Variants in GAREM1 observed in about 807,000 individuals in gnomAD.
GAREM1 encodes the protein GRB2 associated regulator of MAPK1 subtype 1.
GAREM1 carries 26 observed loss-of-function variants against 71.3 expected under a neutral mutation model. The observed-to-expected ratio is 0.36, with a 90% CI of 0.27 to 0.51. The LOEUF (loss-of-function observed/expected upper bound fraction) is 0.51. Among genes scored for constraint, GAREM1 ranks in the 20% least tolerant of loss-of-function variants. The probability of loss-of-function intolerance (pLI) is 0.95; values close to 1 mark genes in which losing one functional copy is unlikely to be tolerated. For missense variants in GAREM1, 1,026 were observed against 1,103.1 expected (o/e 0.93, Z 0.99); for synonymous variants, 440 against 433.2 (o/e 1.02, Z -0.20).
rs183946572 is a variant in GAREM1 at position 32,297,533 on chromosome 18, T to G, written c.394-9330A>C. Among the ~76,000 whole-genome samples, 468 of 152,342 alleles carry G rather than the reference T, an allele frequency of 3.1e-3. 1 individual carries two copies. Among genetic ancestry groups the G allele is most frequent in the Non-Finnish European group, 4.0e-3 (272 of 68,028 alleles). On this transcript the variant is annotated intron_variant, in intron 3 of 5. Transcript: ENST00000269209. ...CACACCTCTGTATTTTCACATAGAT[T>G]TCTAAGTTTTCATCTCCTACTGTGT... is the stretch of plus-strand genomic sequence containing the variant.
rs548232016 is a variant in GAREM1 at position 32,467,996 on chromosome 18, C to T, written c.121+2312G>A. Among the ~76,000 whole-genome samples the T allele has an allele frequency of 2.0e-5, 3 of 152,132 alleles. No homozygotes were observed. In the East Asian group the frequency reaches 5.8e-4, roughly 29 times the overall value. The stretch of plus-strand genomic sequence containing the variant: ...ATTAAACTGCTATAACAACACTTTC[C>T]CCAATCAAATTAGAAGAGAATTTTT... On this transcript the variant is annotated intron_variant, in intron 1 of 5. Transcript: ENST00000269209.
chr18:32,270,264 G>A lies in GAREM1; in HGVS notation c.1686C>T (p.Arg562=). ...AGTAGGACAAGGTGGGGCTGGGAGA[G>A]CGAGTCTGTTGCCGCGCTGGCTTGA... The part of the protein sequence containing the change: ...RTVKPARQQT[R]SPSPTLSYYS... The change falls in exon 5 of 6, where the codon CGC becomes CGT. Residue 562 remains arginine, a synonymous_variant. Transcript: ENST00000269209. 6.2e-7 allele frequency: 1 copy of A among 1,614,040 alleles called. No individual in the cohort carries two copies. The highest frequency in any genetic ancestry group is 8.5e-7 in the Non-Finnish European group (1 of 1,179,980).
At chr18:32,277,871 T>G (rs2041562846) in intron 4 of GAREM1, among the ~76,000 whole-genome samples, 1 of 152,220 alleles carries the variant, frequency 6.6e-6, no homozygotes, top group Non-Finnish European at 1.5e-5. Flanking sequence ...CATGTAGATC[T>G]TTGGAGGACA....
intron 1 of GAREM1, among the ~76,000 whole-genome samples, chr18:32,410,300 C>A (rs962424269): frequency 6.6e-5 from 10 of 152,110 alleles, no homozygotes; most frequent in Non-Finnish European, 1.3e-4. Context: ...TCAGAAATAG[C>A]CTGGGATTGG....
At chr18:32,311,669 C>A (rs1368104777) in intron 2 of GAREM1, among the ~76,000 whole-genome samples, 1 of 152,142 alleles carries the variant, frequency 6.6e-6, no homozygotes, top group African/African-American at 2.4e-5. Context: ...AACAGTCTGC[C>A]CAAAGACTCT....
chr18:32,322,506 C>T (rs1381873369), intron 2 of GAREM1, among the ~76,000 whole-genome samples: 1 of 152,200 alleles, frequency 6.6e-6, no homozygotes, highest in Non-Finnish European at 1.5e-5. Context: ...AGTTACAACA[C>T]CTGAAAGAAT....
chr18:32,470,116 C>T lies in GAREM1; in HGVS notation c.121+192G>A, dbSNP rs1356553455. On this transcript the variant is annotated intron_variant, in intron 1 of 5. Transcript: ENST00000269209. This position sits in a 1 kb window ranked among gnomAD's most constrained non-coding sequence, Gnocchi z 4.4. ...ATTATACTGCAAGGACTCTGATTTC[C>T]ACCTCCTTGTCTGCTGCTGGGGGGA... Among the ~76,000 whole-genome samples the T allele has an allele frequency of 6.6e-6, 1 of 151,794 alleles. No individual in the cohort carries two copies. Among genetic ancestry groups the T allele is most frequent in the Non-Finnish European group, 1.5e-5 (1 of 68,034 alleles).
At chr18:32,293,284 C>T (rs1417564602) in intron 3 of GAREM1, among the ~76,000 whole-genome samples, 1 of 152,052 alleles carries the variant, frequency 6.6e-6, no homozygotes. Context: ...AAGGGTAGGG[C>T]TGAAATGGTA....
intron 2 of GAREM1, among the ~76,000 whole-genome samples, chr18:32,392,391 A>G (rs958151217): frequency 3.3e-5 from 5 of 152,198 alleles, no homozygotes; most frequent in African/African-American, 7.2e-5. Flanking sequence ...TCATTTAACT[A>G]AAGTAGTGAG....
intron 2 of GAREM1, among the ~76,000 whole-genome samples, chr18:32,346,465 T>C (rs531257972): frequency 6.6e-6 from 1 of 152,318 alleles, no homozygotes; most frequent in South Asian, 2.1e-4. Context: ...AATCCTCTTA[T>C]AAAGCAATAG....
At chr18:32,310,991 T>G (rs1184317211) in intron 2 of GAREM1, among the ~76,000 whole-genome samples, 3 of 152,212 alleles carry the variant, frequency 2.0e-5, no homozygotes, top group African/African-American at 7.2e-5. Flanking sequence ...CAGAGCTCCA[T>G]GTGGCTCCTT....
At chr18:32,448,754 C>T (rs1052372117) in intron 1 of GAREM1, among the ~76,000 whole-genome samples, 1 of 152,216 alleles carries the variant, frequency 6.6e-6, no homozygotes, top group African/African-American at 2.4e-5. Context: ...ACAGTTCTTA[C>T]TTTGCTGTTA....
At chr18:32,456,869 T>A (rs1413170786) in intron 1 of GAREM1, among the ~76,000 whole-genome samples, 1 of 152,118 alleles carries the variant, frequency 6.6e-6, no homozygotes, top group Non-Finnish European at 1.5e-5. Context: ...TGAATTTCAA[T>A]TATACCAGAT....
rs1174628863 is a variant in GAREM1, at chr18:32,266,090, T to A, written c.*1781A>T. 1 of 152,052 alleles carries A rather than the reference T, an allele frequency of 6.6e-6. No homozygotes were observed. Among genetic ancestry groups the A allele is most frequent in the Admixed American group, 6.6e-5 (1 of 15,254 alleles). The allele number at this position is 152,052 out of a possible 1,614,324, so 9.4% of individuals were successfully genotyped here. On this transcript the variant is annotated 3_prime_UTR_variant, in exon 6 of 6. Coordinates refer to ENST00000269209, the MANE Select transcript of GAREM1 (RefSeq NM_001242409.2). ...CAGGGTACTCTTTTTGCCTATAGTA[T>A]TTACATTTTGGGAGACACGTTAGGA...
chr18:32,286,321 AGTGTGTGTGTGTGTGTGTGTGTGTGTGT>A (rs140225815), intron 4 of GAREM1, among the ~76,000 whole-genome samples: 1 of 143,122 alleles, frequency 7.0e-6, no homozygotes, highest in Non-Finnish European at 1.5e-5. Context: ...CTGGTTCTGG[AGTGTGTGTGTGTGTGTGTGTGTGTGTGT>A]GTGTGTGTGT....
chr18:32,270,897 G>GTTTTTTTTTTTT (rs58914123), intron 4 of GAREM1, among the ~76,000 whole-genome samples: 2 of 92,596 alleles, frequency 2.2e-5, no homozygotes, highest in Non-Finnish European at 3.9e-5. Context: ...GTTCAGGGAT[G>GTTTTTTTTTTTT]TTTTTTTTTT....
chr18:32,392,591 A>G (rs183359129), intron 2 of GAREM1, among the ~76,000 whole-genome samples: 134 of 152,282 alleles, frequency 8.8e-4, no homozygotes, highest in African/African-American at 3.2e-3. Flanking sequence ...CAGAGACATG[A>G]CCCCCTGAAG....
At chr18:32,346,295 T>C (rs2047696169) in intron 2 of GAREM1, among the ~76,000 whole-genome samples, 3 of 152,070 alleles carry the variant, frequency 2.0e-5, no homozygotes, top group African/African-American at 7.2e-5. Context: ...AAGGCAAAAA[T>C]CAAGCAAATT....
At chr18:32,275,562 T>C (rs1598921872) in intron 4 of GAREM1, among the ~76,000 whole-genome samples, 1 of 152,208 alleles carries the variant, frequency 6.6e-6, no homozygotes, top group African/African-American at 2.4e-5. Flanking sequence ...ATGAGCACAG[T>C]GCGGATACAC....
Sources: allele counts gnomAD v4.1 joint callset (sites outside exome capture counted in the v4.1 genomes callset), GRCh38; gene constraint gnomAD v4.1.1; non-coding constraint Gnocchi (gnomAD v3.1); transcripts MANE v1.5; gene names NCBI Gene and HGNC (gene_info 2026-07-23, HGNC 2026-07-21).